FAT4: variants seen among roughly 807,000 people sequenced by gnomAD.
The protein encoded by FAT4 is FAT atypical cadherin 4.
Under a neutral mutation model 303.9 loss-of-function variants are expected in FAT4, and 84 were observed. That is an observed-to-expected ratio of 0.28 (90% CI 0.23 to 0.33). FAT4 has a LOEUF of 0.33. Ranked by LOEUF, FAT4 falls within the 10% of genes least tolerant of loss-of-function variation. The probability of loss-of-function intolerance (pLI) is 1.00; values close to 1 mark genes in which losing one functional copy is unlikely to be tolerated. For synonymous variants in FAT4, 2,307 were observed against 2,298.8 expected (o/e 1.00, Z -0.10); for missense variants, 6,005 against 6,146.8 (o/e 0.98, Z 0.77).
In FAT4 at chr4:125,317,356, T is replaced by G. The variant is rs568968104; in HGVS notation, c.945T>G (p.Ala315=). ...TGCGGGAGCCCCTGGACTTCGAAGCTCGGCGCCAATACTCGCTTACGGTGC... is the reference window on the plus strand; with the variant it reads ...TGCGGGAGCCCCTGGACTTCGAAGCGCGGCGCCAATACTCGCTTACGGTGC... ...ITVREPLDFE[A]RRQYSLTVQA... is the part of the protein sequence containing the mutation. The change falls in exon 2 of 18, where the codon GCT becomes GCG. Residue 315 remains alanine (A), a synonymous_variant. Transcript: ENST00000394329. This position sits in a 1 kb window ranked among gnomAD's most constrained non-coding sequence, Gnocchi z 7.0. 1 of 1,612,764 alleles carries G rather than the reference T, an allele frequency of 6.2e-7. No individual in the cohort carries two copies. Among genetic ancestry groups the G allele is most frequent in the African/African-American group, 1.3e-5 (1 of 75,008 alleles).
chr4:125,434,180 A>G (rs1725369027), intron 7 of FAT4, 65 bp from the exon 8 acceptor site: 1 of 1,483,812 alleles, frequency 6.7e-7, no homozygotes, highest in South Asian at 1.2e-5. Context: ...GTCTACAGCT[A>G]ATTTTTGTTA....
At chr4:125,380,391 C>T (rs1395078674) in intron 2 of FAT4, among the ~76,000 whole-genome samples, 1 of 152,018 alleles carries the variant, frequency 6.6e-6, no homozygotes, top group East Asian at 1.9e-4. Context: ...AAATAGGGAC[C>T]TACACAATGT....
At chr4:125,346,103 T>C (rs976767918) in intron 2 of FAT4, among the ~76,000 whole-genome samples, 2 of 152,094 alleles carry the variant, frequency 1.3e-5, no homozygotes, top group Non-Finnish European at 2.9e-5. Flanking sequence ...ATAAAGTCAT[T>C]TGAAGTTCAG....
At chr4:125,440,370 T>G (rs879659352) in intron 8 of FAT4, among the ~76,000 whole-genome samples, 2 of 152,074 alleles carry the variant, frequency 1.3e-5, no homozygotes, top group Non-Finnish European at 2.9e-5. Flanking sequence ...CCAGTGACTT[T>G]TCTAAGTCCT....
rs1727456866 is a variant in FAT4 at position 125,487,617 on chromosome 4, TTATTAAG to T, written c.13084+14_13084+20del. 1.9e-6 allele frequency: 3 copies of T among 1,583,580 alleles called. No homozygotes were observed. The highest frequency in any genetic ancestry group is 1.7e-6 in the Non-Finnish European group (2 of 1,164,052). ...GAGATGCCCAAACAGGTAAATGCCT[TTATTAAG>T]TAGAGTCACAAGGGAAGTAAAATTG... On this transcript the variant is annotated intron_variant, in intron 17 of 17. Coordinates refer to ENST00000394329, the MANE Select transcript of FAT4 (RefSeq NM_001291303.3).
chr4:125,492,181 C>T lies in FAT4; in HGVS notation c.*413C>T, dbSNP rs1014499226. 1.2e-5 allele frequency: 2 copies of T among 164,386 alleles called. No individual in the cohort carries two copies. Among genetic ancestry groups the T allele is most frequent in the African/African-American group, 4.8e-5 (2 of 41,508 alleles). The allele number at this position is 164,386 out of a possible 1,614,324, so 10.2% of individuals were successfully genotyped here. On this transcript the variant is annotated 3_prime_UTR_variant, in exon 18 of 18. Transcript: ENST00000394329. ...GCATTGCAAGATTCTTGATGTTAAA[C>T]CAATCCTTGTAAAGTGTAAAAAGGA...
chr4:125,469,919 C>T lies in FAT4; in HGVS notation c.12213+1100C>T, dbSNP rs563695051. 3.2e-4 allele frequency among the ~76,000 whole-genome samples: 48 copies of T among 152,174 alleles called. 1 individual carries two copies. The highest frequency in any genetic ancestry group is 3.4e-3 in the Middle Eastern group (1 of 294). On this transcript the variant is annotated intron_variant, in intron 12 of 17. Transcript: ENST00000394329. ...CCAGAAGGTTTTTAATTTACTTTGC[C>T]CAGACCTATCAGAGGAATCATCATC...
At chr4:125,453,373 G>C (rs1236537705) in intron 10 of FAT4, among the ~76,000 whole-genome samples, 1 of 151,990 alleles carries the variant, frequency 6.6e-6, no homozygotes, top group African/African-American at 2.4e-5. Flanking sequence ...GATCCACATC[G>C]TGAGAAGAGC....
intron 2 of FAT4, among the ~76,000 whole-genome samples, chr4:125,378,510 G>A (rs1578576130): frequency 6.6e-6 from 1 of 152,056 alleles, no homozygotes; most frequent in African/African-American, 2.4e-5. Flanking sequence ...CAAGAAGCAT[G>A]TGTTCTTATC....
At chr4:125,352,358 A>G (rs1006662841) in intron 2 of FAT4, among the ~76,000 whole-genome samples, 17 of 151,622 alleles carry the variant, frequency 1.1e-4, no homozygotes, top group Non-Finnish European at 2.4e-4. Flanking sequence ...CAATCAGTAT[A>G]GCTCCAAGTG....
At chr4:125,402,023 G>T (rs1349844269) in intron 3 of FAT4, among the ~76,000 whole-genome samples, 1 of 151,652 alleles carries the variant, frequency 6.6e-6, no homozygotes. Context: ...CTTTTCAAAA[G>T]ACCTAATTAA....
Position 125,383,420 on chromosome 4 carries a change from C to T in FAT4, c.5176-15364C>T, listed in dbSNP as rs540375619. Among the ~76,000 whole-genome samples the T allele has an allele frequency of 5.0e-4, 76 of 152,192 alleles. 1 individual carries two copies. The highest frequency in any genetic ancestry group is 1.6e-3 in the African/African-American group (65 of 41,546). ...TGGCTGGACAGTAGAGGACTCTGAACACACACAATATTTATCCATCCAGTT... is the reference window on the plus strand; with the variant it reads ...TGGCTGGACAGTAGAGGACTCTGAATACACACAATATTTATCCATCCAGTT... On this transcript the variant is annotated intron_variant, in intron 2 of 17. Transcript: ENST00000394329.
At chr4:125,349,673 C>T (rs1020043119) in intron 2 of FAT4, among the ~76,000 whole-genome samples, 1 of 151,524 alleles carries the variant, frequency 6.6e-6, no homozygotes, top group Non-Finnish European at 1.5e-5. Flanking sequence ...TTTAAATATA[C>T]CAATAGTATA....
intron 9 of FAT4, among the ~76,000 whole-genome samples, chr4:125,447,202 C>T (rs1291781192): frequency 6.6e-6 from 1 of 152,042 alleles, no homozygotes; most frequent in Non-Finnish European, 1.5e-5. Flanking sequence ...ACTCTAAGAA[C>T]TGCACAAATC....
chr4:125,366,566 C>T (rs1732895495), intron 2 of FAT4, among the ~76,000 whole-genome samples: 1 of 152,108 alleles, frequency 6.6e-6, no homozygotes, highest in Admixed American at 6.5e-5. Flanking sequence ...ATGAACATAA[C>T]ATGTGCATCT....
rs1734726577 is a variant in FAT4, at chr4:125,408,741, A to G, written c.5867A>G (p.Asn1956Ser). The G allele has an allele frequency of 6.2e-7, 1 of 1,607,236 alleles. No homozygotes were observed. Among genetic ancestry groups the G allele is most frequent in the Admixed American group, 1.7e-5 (1 of 59,402 alleles). The change falls in exon 5 of 18, where the codon AAT becomes AGT. Residue 1956 changes from asparagine (N) to serine (S), a missense_variant. Coordinates refer to ENST00000394329, the MANE Select transcript of FAT4 (RefSeq NM_001291303.3). ...LNSYSTSLMENLPVGSTVLVF... is the reference protein window; with the variant it reads ...LNSYSTSLMESLPVGSTVLVF... The stretch of plus-strand genomic sequence containing the variant: ...TCATACAGCACATCTTTAATGGAGA[A>G]TCTACCTGTGGGATCTACTGTTCTT...
At chr4:125,423,901 T>G (rs1404728404) in intron 7 of FAT4, among the ~76,000 whole-genome samples, 1 of 152,252 alleles carries the variant, frequency 6.6e-6, no homozygotes, top group East Asian at 1.9e-4. Context: ...TTCAGGGGCC[T>G]GTAGCCCCTT....
chr4:125,491,498 G>A lies in FAT4; in HGVS notation c.14682G>A (p.Arg4894=). Residue 4894 remains arginine, a synonymous_variant, in exon 18 of 18, where the codon AGG becomes AGA. Coordinates refer to ENST00000394329, the MANE Select transcript of FAT4 (RefSeq NM_001291303.3). Reference sequence around the variant, plus strand: ...ATGGAGCCAGACTGAAGCCTCGAAGGTACCACGGTCGCAGGGCCGAGGGAG... The same window carrying A: ...ATGGAGCCAGACTGAAGCCTCGAAGATACCACGGTCGCAGGGCCGAGGGAG... ...DNYGARLKPR[R]YHGRRAEGGP... The A allele has an allele frequency of 1.2e-6, 2 of 1,614,184 alleles. No homozygotes were observed. Among genetic ancestry groups the A allele is most frequent in the South Asian group, 1.1e-5 (1 of 91,084 alleles).
At chr4:125,406,255 TC>T (rs1703506651) in intron 3 of FAT4, among the ~76,000 whole-genome samples, 1 of 152,208 alleles carries the variant, frequency 6.6e-6, no homozygotes, top group African/African-American at 2.4e-5. Context: ...GAAGTGACTA[TC>T]CTTTCCCCAT....
Sources: gnomAD v4.1 joint callset for allele counts (sites outside exome capture counted in the v4.1 genomes callset) on GRCh38, gnomAD v4.1.1 for gene constraint, Gnocchi (gnomAD v3.1) non-coding constraint, MANE v1.5 for transcripts, NCBI Gene and HGNC (gene_info 2026-07-23, HGNC 2026-07-21) for gene names.